Variants in CRYBG1 observed in about 807,000 individuals in gnomAD.
CRYBG1 encodes the protein beta/gamma crystallin domain-containing protein 1.
In CRYBG1, 139 loss-of-function variants were observed where a neutral mutation model predicts 189.2. The ratio of observed to expected loss-of-function variants is 0.73; its 90% confidence interval spans 0.64 to 0.85. The LOEUF is 0.85. Ranked by LOEUF, CRYBG1 falls within the 40% of genes least tolerant of loss-of-function variation. CRYBG1 has a pLI of 0.00. For missense variants in CRYBG1, 2,611 were observed against 2,675.8 expected (o/e 0.98, Z 0.53); for synonymous variants, 1,023 against 1,017.1 (o/e 1.01, Z -0.11).
chr6:106,485,971 G>A (rs1035538970), intron 2 of CRYBG1, among the ~76,000 whole-genome samples: 6 of 152,144 alleles, frequency 3.9e-5, no homozygotes, highest in Non-Finnish European at 7.4e-5. Context: ...TCAGGGTAAT[G>A]CTGCCTTCAT....
At chr6:106,491,083 A>G (rs997071045) in intron 2 of CRYBG1, among the ~76,000 whole-genome samples, 7 of 152,252 alleles carry the variant, frequency 4.6e-5, no homozygotes, top group Non-Finnish European at 1.0e-4. Flanking sequence ...ATTCATTATG[A>G]TAACCACAAA....
intron 1 of CRYBG1, 28 bp from the exon 2 acceptor site, chr6:106,451,666 G>T: frequency 6.6e-7 from 1 of 1,525,666 alleles, no homozygotes; most frequent in South Asian, 1.2e-5. Flanking sequence ...ATAGTGTATT[G>T]ACATGACTGT....
At chr6:106,444,198 C>T (rs756231468) in intron 1 of CRYBG1, among the ~76,000 whole-genome samples, 6 of 139,086 alleles carry the variant, frequency 4.3e-5, no homozygotes, top group Non-Finnish European at 1.0e-4. Flanking sequence ...TTTCTCTTCT[C>T]TGCCATTAGA....
chr6:106,415,255 A>G (rs190573287), intron 1 of CRYBG1, among the ~76,000 whole-genome samples: 1 of 152,304 alleles, frequency 6.6e-6, no homozygotes, highest in East Asian at 1.9e-4. Context: ...AGTGGCCATT[A>G]TTTTGCTTTT....
chr6:106,449,962 C>T (rs762863471), intron 1 of CRYBG1, among the ~76,000 whole-genome samples: 3 of 152,146 alleles, frequency 2.0e-5, no homozygotes, highest in Non-Finnish European at 2.9e-5. Context: ...CAGTGGCTCA[C>T]GCCTGTAATC....
intron 1 of CRYBG1, among the ~76,000 whole-genome samples, chr6:106,375,291 C>G (rs1031375319): frequency 6.6e-6 from 1 of 151,978 alleles, no homozygotes; most frequent in African/African-American, 2.4e-5. Flanking sequence ...AAGGCTGAGA[C>G]AGGAGGATTG....
chr6:106,505,042 T>G (rs902340903), intron 2 of CRYBG1, among the ~76,000 whole-genome samples: 3 of 150,442 alleles, frequency 2.0e-5, no homozygotes, highest in African/African-American at 7.3e-5. Flanking sequence ...CTCTACCTCC[T>G]GGGTTCAAGT....
At chr6:106,438,990 A>G (rs1400638114) in intron 1 of CRYBG1, among the ~76,000 whole-genome samples, 2 of 151,646 alleles carry the variant, frequency 1.3e-5, no homozygotes, top group South Asian at 2.1e-4. Context: ...ACCTGACCCC[A>G]GGAGTTTGAA....
rs1268191734 is a variant in CRYBG1, at chr6:106,511,542, C to G, written c.425C>G (p.Thr142Ser). 2 of 1,535,676 alleles carry G rather than the reference C, an allele frequency of 1.3e-6. No homozygotes were observed. The highest frequency in any genetic ancestry group is 1.7e-6 in the Non-Finnish European group (2 of 1,146,642). Residue 142 changes from threonine to serine, a missense_variant, in exon 3 of 22, where the codon ACC becomes AGC. Coordinates refer to ENST00000633556, the MANE Select transcript of CRYBG1 (RefSeq NM_001371242.2). ...AGTAGAAACGGGTTAGAGAGTCCCA[C>G]CAGATCAAATGCCAAACCACTCTCT... ...RNSRNGLESP[T>S]RSNAKPLSPK...
intron 1 of CRYBG1, among the ~76,000 whole-genome samples, chr6:106,381,762 G>A (rs1449043679): frequency 2.0e-5 from 3 of 152,200 alleles, no homozygotes; most frequent in South Asian, 4.1e-4. Context: ...GATCCTGCAG[G>A]CACTGTTTCT....
intron 1 of CRYBG1, among the ~76,000 whole-genome samples, chr6:106,383,870 G>A (rs1291929287): frequency 6.6e-6 from 1 of 152,234 alleles, no homozygotes; most frequent in African/African-American, 2.4e-5. Context: ...GGGCTGGTGA[G>A]TTTTTGAGAT....
intron 2 of CRYBG1, among the ~76,000 whole-genome samples, chr6:106,487,844 GT>G (rs901187216): frequency 6.6e-6 from 1 of 152,138 alleles, no homozygotes; most frequent in African/African-American, 2.4e-5. Context: ...GAGACTTATT[GT>G]GTTTTGGGGG....
chr6:106,553,734 G>A lies in CRYBG1; in HGVS notation c.5585+167G>A, dbSNP rs1399272996. On this transcript the variant is annotated intron_variant, in intron 16 of 21. Coordinates refer to ENST00000633556, the MANE Select transcript of CRYBG1 (RefSeq NM_001371242.2). ...CTGAGTACCAGACGCCAGAGGACAC[G>A]GGCTTCAGGTTGGTTGGAGAAGCTG... 4.6e-5 allele frequency among the ~76,000 whole-genome samples: 7 copies of A among 152,276 alleles called. No homozygotes were observed. In the East Asian group the frequency reaches 5.8e-4, roughly 13 times the overall value.
chr6:106,453,360 A>G (rs781439159), intron 2 of CRYBG1, among the ~76,000 whole-genome samples: 27 of 152,250 alleles, frequency 1.8e-4, no homozygotes, highest in African/African-American at 4.3e-4. Context: ...TAAGGGTACC[A>G]GAAATATAAA....
At chr6:106,412,290 C>T (rs1398354038) in intron 1 of CRYBG1, among the ~76,000 whole-genome samples, 1 of 152,264 alleles carries the variant, frequency 6.6e-6, no homozygotes, top group Non-Finnish European at 1.5e-5. Context: ...GGCAGCCTCA[C>T]ACTGCTTATG....
At chr6:106,555,275 A>T (rs1562117745) in intron 16 of CRYBG1, among the ~76,000 whole-genome samples, 1 of 120,042 alleles carries the variant, frequency 8.3e-6, no homozygotes, top group African/African-American at 2.8e-5. Flanking sequence ...CAGAGAGGCT[A>T]AGTGACTTGT....
In CRYBG1 at chr6:106,520,612, C is replaced by T; in HGVS notation, c.3404C>T (p.Ala1135Val). The T allele has an allele frequency of 6.2e-7, 1 of 1,614,220 alleles. No homozygotes were observed. Among genetic ancestry groups the T allele is most frequent in the Non-Finnish European group, 8.5e-7 (1 of 1,180,036 alleles). The change falls in exon 4 of 22, where the codon GCT becomes GTT. Residue 1135 changes from alanine (A) to valine (V), a missense_variant. Physicochemically the swap from Ala to Val is moderately conservative, Grantham distance 64. Transcript: ENST00000633556. Reference sequence around the variant, plus strand: ...AAGGCCAGGATGCCAAACTCTCCTGCTCCTCACTTTGCCATGCCTCCTATT... The same window carrying T: ...AAGGCCAGGATGCCAAACTCTCCTGTTCCTCACTTTGCCATGCCTCCTATT... The part of the protein sequence containing the change: ...RKKARMPNSP[A>V]PHFAMPPIHE...
At chr6:106,544,495 A>G in intron 11 of CRYBG1, 76 bp from the exon 12 acceptor site, 1 of 1,505,398 alleles carries the variant, frequency 6.6e-7, no homozygotes, top group Non-Finnish European at 9.0e-7. Flanking sequence ...TGTATTTTTC[A>G]ATGAAATTGA....
intron 1 of CRYBG1, among the ~76,000 whole-genome samples, chr6:106,363,820 G>GTT (rs1771927183): frequency 1.3e-5 from 2 of 152,122 alleles, no homozygotes; most frequent in African/African-American, 2.4e-5. Context: ...ACTCTGTAGG[G>GTT]TTGTCATGAA....
Sources: gnomAD v4.1 joint callset for allele counts (sites outside exome capture counted in the v4.1 genomes callset) on GRCh38, gnomAD v4.1.1 for gene constraint, MANE v1.5 for transcripts, NCBI Gene and HGNC (gene_info 2026-07-23, HGNC 2026-07-21) for gene names.